RNF115: variants seen among roughly 807,000 people sequenced by gnomAD.
RNF115 encodes ring finger protein 115, also known as E3 ubiquitin-protein ligase RNF115.
In RNF115, 31 loss-of-function variants were observed where a neutral mutation model predicts 39.2. That is an observed-to-expected ratio of 0.79 (90% CI 0.59 to 1.07). The LOEUF is 1.07. Ranked by LOEUF, RNF115 falls within the 50% of genes least tolerant of loss-of-function variation. The pLI is 0.00. For missense variants in RNF115, 384 were observed against 381.7 expected, an observed-to-expected ratio of 1.01 and a Z score of -0.05; for synonymous variants, 124 against 131.0, an observed-to-expected ratio of 0.95 and a Z score of 0.37.
At chr1:145,778,213 G>A (rs1322350608) in intron 3 of RNF115, among the ~76,000 whole-genome samples, 1 of 152,166 alleles carries the variant, frequency 6.6e-6, no homozygotes, top group Non-Finnish European at 1.5e-5. Flanking sequence ...ATTCTAATTA[G>A]AAAAGAGTCA....
intron 4 of RNF115, among the ~76,000 whole-genome samples, chr1:145,770,348 G>T (rs1553715565): frequency 6.6e-6 from 1 of 152,128 alleles, no homozygotes; most frequent in African/African-American, 2.4e-5. Flanking sequence ...AGCCTAGAAG[G>T]TGTGTGTTGG....
At position 145,794,690 on chromosome 1, in the gene RNF115, C is replaced by T. The variant is rs587660636; in HGVS notation, c.103-5724G>A. 8.6e-5 allele frequency among the ~76,000 whole-genome samples: 13 copies of T among 151,108 alleles called. No individual in the cohort carries two copies. The East Asian group carries it at 2.3e-3, about 27-fold the overall frequency. On this transcript the variant is annotated intron_variant, in intron 1 of 8. Transcript: ENST00000582693. Reference sequence around the variant, plus strand: ...TCTCACTGACTTCAAAAATGAAGCGCGGACCCTCCCGGTGAGTGTTACACT... The same window carrying T: ...TCTCACTGACTTCAAAAATGAAGCGTGGACCCTCCCGGTGAGTGTTACACT...
chr1:145,747,534 T>C (rs1553711913), intron 8 of RNF115, among the ~76,000 whole-genome samples: 1 of 152,072 alleles, frequency 6.6e-6, no homozygotes, highest in Non-Finnish European at 1.5e-5. Flanking sequence ...TCCTAGCTAC[T>C]CTGGAGACTG....
At position 145,793,970 on chromosome 1, in the gene RNF115, A is replaced by C. The variant is rs952689160; in HGVS notation, c.103-5004T>G. ...GCAATTCTCCCACCTCAGCCTCCAG[A>C]GTGGCTGGGATTACAGGCATGTGCC... On this transcript the variant is annotated intron_variant, in intron 1 of 8. Coordinates refer to ENST00000582693, the MANE Select transcript of RNF115 (RefSeq NM_014455.4). Among the ~76,000 whole-genome samples the C allele has an allele frequency of 9.2e-5, 14 of 151,910 alleles. No individual in the cohort carries two copies. The East Asian group carries it at 2.1e-3, about 23-fold the overall frequency.
At chr1:145,769,688 G>A (rs976821210) in intron 4 of RNF115, among the ~76,000 whole-genome samples, 2 of 142,066 alleles carry the variant, frequency 1.4e-5, no homozygotes, top group African/African-American at 5.3e-5. Flanking sequence ...TTCCTTTTAT[G>A]AAACTAATAT....
At position 145,745,791 on chromosome 1, in the gene RNF115, A is replaced by C. The variant is rs587675698; in HGVS notation, c.*1075T>G. 1.3e-5 allele frequency: 2 copies of C among 152,000 alleles called. No homozygotes were observed. The highest frequency in any genetic ancestry group is 4.2e-4 in the South Asian group (2 of 4,800). The allele number at this position is 152,000 out of a possible 1,614,324, so 9.4% of individuals were successfully genotyped here. On this transcript the variant is annotated 3_prime_UTR_variant, in exon 9 of 9. Coordinates refer to ENST00000582693, the MANE Select transcript of RNF115 (RefSeq NM_014455.4). ...TTAAAATCTCAGAAGCAAAGGTCTC[A>C]AACATCTGTCTTTCTGTGCCTGTAT... is the stretch of plus-strand genomic sequence containing the variant.
chr1:145,761,719 CAG>C (rs1202094589), intron 4 of RNF115, among the ~76,000 whole-genome samples: 1 of 152,242 alleles, frequency 6.6e-6, no homozygotes, highest in East Asian at 1.9e-4. Context: ...AGCCCCCACA[CAG>C]AGTCCCTACT....
At chr1:145,803,459 G>A (rs1422477231) in intron 1 of RNF115, among the ~76,000 whole-genome samples, 1 of 152,116 alleles carries the variant, frequency 6.6e-6, no homozygotes, top group Non-Finnish European at 1.5e-5. Flanking sequence ...GCGTGATCTT[G>A]GCTCACTGCA....
At chr1:145,791,612 C>CAATGGT (rs1648672510) in intron 1 of RNF115, among the ~76,000 whole-genome samples, 1 of 151,990 alleles carries the variant, frequency 6.6e-6, no homozygotes, top group African/African-American at 2.4e-5. Context: ...TCTATTCTAT[C>CAATGGT]TTCTGTTTAT....
chr1:145,779,011 A>G (rs1000241789), intron 3 of RNF115, among the ~76,000 whole-genome samples: 4 of 152,146 alleles, frequency 2.6e-5, no homozygotes, highest in African/African-American at 7.2e-5. Flanking sequence ...TAAAAATTAA[A>G]TTTTTATATC....
intron 4 of RNF115, among the ~76,000 whole-genome samples, chr1:145,760,900 C>T (rs922072394): frequency 6.6e-6 from 1 of 152,112 alleles, no homozygotes; most frequent in Admixed American, 6.5e-5. Context: ...AATGGCTTTG[C>T]CCAAAATGCT....
chr1:145,786,995 AAACT>A (rs1277928079), intron 2 of RNF115: 1 of 1,151,652 alleles, frequency 8.7e-7, no homozygotes, highest in Non-Finnish European at 1.2e-6. Flanking sequence ...TAGTAAAGTA[AAACT>A]AATAGTACAT....
intron 1 of RNF115, among the ~76,000 whole-genome samples, chr1:145,820,002 C>T (rs1650163977): frequency 6.7e-6 from 1 of 148,402 alleles, no homozygotes; most frequent in East Asian, 2.0e-4. Context: ...CGTTCCACTG[C>T]ACTCCAGCCT....
rs747104183 is a variant in RNF115, at chr1:145,741,665, C to T, written c.*5201G>A. ...AAATTCTCAACAAGAGGACTCTATC[C>T]TATAAGTCGTCCCCAATCCCCAGAT... On this transcript the variant is annotated 3_prime_UTR_variant, in exon 9 of 9. Transcript: ENST00000582693. 3 of 152,296 alleles carry T rather than the reference C, an allele frequency of 2.0e-5. No homozygotes were observed. Among genetic ancestry groups the T allele is most frequent in the Non-Finnish European group, 4.4e-5 (3 of 68,046 alleles). 9.4% of individuals were successfully genotyped at this position (152,296 alleles called of 1,614,324 possible).
chr1:145,754,819 C>T (rs1411526427), intron 4 of RNF115, among the ~76,000 whole-genome samples: 2 of 152,042 alleles, frequency 1.3e-5, no homozygotes, highest in Non-Finnish European at 2.9e-5. Context: ...TAGAATGCTT[C>T]GTGTTGTTTT....
chr1:145,759,258 A>T (rs1486035475), intron 4 of RNF115, among the ~76,000 whole-genome samples: 1 of 152,210 alleles, frequency 6.6e-6, no homozygotes, highest in Non-Finnish European at 1.5e-5. Flanking sequence ...TATCATATAT[A>T]GGCCACAACT....
chr1:145,786,496 T>C (rs1419130770), intron 2 of RNF115, among the ~76,000 whole-genome samples: 2 of 152,182 alleles, frequency 1.3e-5, no homozygotes, highest in East Asian at 1.9e-4. Context: ...TTGCTACCAA[T>C]AGCACCTATA....
chr1:145,747,339 CA>C (rs1175184727), intron 8 of RNF115, among the ~76,000 whole-genome samples: 1 of 152,128 alleles, frequency 6.6e-6, no homozygotes, highest in African/African-American at 2.4e-5. Flanking sequence ...CAGAGGTCAG[CA>C]AACTTTTTGT....
At chr1:145,786,957 C>G in intron 2 of RNF115, 1 of 770,932 alleles carries the variant, frequency 1.3e-6, no homozygotes. Flanking sequence ...GAAGCTCCAG[C>G]TTATTTACAC....
Sources: gnomAD v4.1 joint callset for allele counts (sites outside exome capture counted in the v4.1 genomes callset) on GRCh38, gnomAD v4.1.1 for gene constraint, MANE v1.5 for transcripts, NCBI Gene and HGNC (gene_info 2026-07-23, HGNC 2026-07-21) for gene names.